Variants in MEGF6 observed in about 807,000 individuals in gnomAD.
MEGF6 encodes the protein multiple EGF like domains 6.
In MEGF6, 184 loss-of-function variants were observed where a neutral mutation model predicts 207.1. That is an observed-to-expected ratio of 0.89 (90% confidence interval 0.79 to 1.00). MEGF6 has a LOEUF of 1.00. Ranked by LOEUF, MEGF6 falls within the 50% of genes least tolerant of loss-of-function variation. The probability of loss-of-function intolerance (pLI) is 0.00; values close to 1 mark genes in which losing one functional copy is unlikely to be tolerated. For missense variants in MEGF6, 2,282 were observed against 2,202.9 expected (o/e 1.04, Z -0.72); for synonymous variants, 1,038 against 910.0 (o/e 1.14, Z -2.53).
At chr1:3,579,999 G>A (rs1370595336) in intron 3 of MEGF6, 70 bp from the exon 4 acceptor site, 2 of 1,166,462 alleles carry the variant, frequency 1.7e-6, no homozygotes, top group Non-Finnish European at 2.4e-6. Context: ...GAGGCCTGAG[G>A]GTCTCTCGGG....
In MEGF6 at chr1:3,492,655, C is replaced by A; in HGVS notation, c.4500G>T (p.Gly1500=). Residue 1500 remains glycine, a synonymous_variant, in exon 35 of 37, where the codon GGG becomes GGT. Coordinates refer to ENST00000356575, the MANE Select transcript of MEGF6 (RefSeq NM_001409.4). The part of the protein sequence containing the change: ...GQCHCVDGYM[G]PTCREGGPLR... Reference sequence around the variant, plus strand: ...CCAGCTCACCTTCCCGGCACGTGGGCCCCATGTAGCCATCCACACAGTGAC... The same window carrying A: ...CCAGCTCACCTTCCCGGCACGTGGGACCCATGTAGCCATCCACACAGTGAC... 2 of 1,611,328 alleles carry A rather than the reference C, an allele frequency of 1.2e-6. No homozygotes were observed. The highest frequency in any genetic ancestry group is 1.7e-6 in the Non-Finnish European group (2 of 1,178,788).
At chr1:3,579,731 C>T (rs1570180951) in intron 4 of MEGF6, 94 bp downstream of exon 4, 1 of 844,040 alleles carries the variant, frequency 1.2e-6, no homozygotes, top group South Asian at 2.3e-5. Flanking sequence ...CCCTACACAG[C>T]TGTGCTGGGG....
Position 3,495,917 on chromosome 1 carries a change from C to T in MEGF6, c.3844G>A (p.Gly1282Arg). The change falls in exon 30 of 37, where the codon GGG becomes AGG. Residue 1282 changes from glycine (G) to arginine (R), a missense_variant. Physicochemically the swap from Gly to Arg is moderately radical, Grantham distance 125. Transcript: ENST00000356575. ...CGCTCACAGCGGACGCCGGCTCTCC[C>T]CGGGGGGCAGAGGCAGGTGCCGGTC... ...PVTGTCLCPP[G>R]RAGVRCERGC... 6.3e-7 allele frequency: 1 copy of T among 1,597,792 alleles called. No individual in the cohort carries two copies. The highest frequency in any genetic ancestry group is 2.2e-5 in the East Asian group (1 of 44,796).
intron 30 of MEGF6, 107 bp downstream of exon 30, chr1:3,495,783 G>T: frequency 7.2e-7 from 1 of 1,386,066 alleles, no homozygotes; most frequent in Non-Finnish European, 9.7e-7. Context: ...TGGCAGCCAG[G>T]ATGTGCGGGT....
chr1:3,517,355 G>A (rs547960243), intron 5 of MEGF6, among the ~76,000 whole-genome samples: 155 of 152,286 alleles, frequency 1.0e-3, no homozygotes, highest in African/African-American at 3.5e-3. Flanking sequence ...GGCATGGCGC[G>A]CACTGGAGCC....
chr1:3,568,557 C>T (rs1643414052), intron 4 of MEGF6, among the ~76,000 whole-genome samples: 1 of 152,176 alleles, frequency 6.6e-6, no homozygotes, highest in East Asian at 1.9e-4. Context: ...AGCAGCTCTC[C>T]CCAGCACTCA....
At chr1:3,508,392 T>G (rs1226368823) in intron 13 of MEGF6, among the ~76,000 whole-genome samples, 166 bp downstream of exon 13, 1 of 152,204 alleles carries the variant, frequency 6.6e-6, no homozygotes, top group East Asian at 1.9e-4. Context: ...AGTCAGGGGA[T>G]GTTTATCAAA....
intron 4 of MEGF6, among the ~76,000 whole-genome samples, chr1:3,549,222 C>G (rs1238591767): frequency 1.3e-5 from 2 of 152,174 alleles, no homozygotes; most frequent in African/African-American, 4.8e-5. Flanking sequence ...CGCAGGAGAC[C>G]CTTGGTGAAT....
chr1:3,542,264 CCTT>C (rs1264573865), intron 4 of MEGF6, among the ~76,000 whole-genome samples: 5 of 152,272 alleles, frequency 3.3e-5, no homozygotes, highest in African/African-American at 9.6e-5. Flanking sequence ...ACTGCTTCCT[CCTT>C]CTGAACAGCA....
intron 2 of MEGF6, among the ~76,000 whole-genome samples, chr1:3,599,154 G>T (rs960631118): frequency 2.0e-5 from 3 of 152,208 alleles, no homozygotes; most frequent in Admixed American, 6.5e-5. Context: ...CACAGCCACT[G>T]CGGGGCCAGC....
At chr1:3,520,855 C>T (rs367709359) in intron 5 of MEGF6, among the ~76,000 whole-genome samples, 8 of 152,320 alleles carry the variant, frequency 5.3e-5, no homozygotes, top group Admixed American at 3.3e-4. Context: ...TTCAAGGCCC[C>T]TCTGGAGTGT....
At chr1:3,559,522 TA>T (rs59799522) in intron 4 of MEGF6, among the ~76,000 whole-genome samples, 1,639 of 105,472 alleles carry the variant, frequency 0.016, 24 homozygotes, top group African/African-American at 0.043. Flanking sequence ...CCTTGTCTCT[TA>T]AAAAAAAAAA....
At chr1:3,492,867 A>G (rs1246000917) in intron 34 of MEGF6, 100 bp from the exon 35 acceptor site, 2 of 1,494,058 alleles carry the variant, frequency 1.3e-6, no homozygotes, top group Non-Finnish European at 1.8e-6. Context: ...GCCCAGGTGG[A>G]GTGAAGCCTT....
Position 3,565,905 on chromosome 1 carries a change from G to A in MEGF6, c.481+13920C>T, listed in dbSNP as rs1643330644. On this transcript the variant is annotated intron_variant, in intron 4 of 36. Coordinates refer to ENST00000356575, the MANE Select transcript of MEGF6 (RefSeq NM_001409.4). This position sits in a 1 kb window ranked among gnomAD's most constrained non-coding sequence, Gnocchi z 4.8. ...CACAGGGACTCTCATGGGGTGCAGT[G>A]GGGATCCAGCTTCCTCCTCCCTGAG... Among the ~76,000 whole-genome samples the A allele has an allele frequency of 6.6e-6, 1 of 152,176 alleles. No individual in the cohort carries two copies. Among genetic ancestry groups the A allele is most frequent in the South Asian group, 2.1e-4 (1 of 4,832 alleles).
chr1:3,492,840 T>C (rs955176147), intron 34 of MEGF6, 73 bp from the exon 35 acceptor site: 22 of 1,557,408 alleles, frequency 1.4e-5, no homozygotes, highest in South Asian at 2.3e-5. Context: ...AGCCTGGGCC[T>C]AGGGGCCCGC....
intron 4 of MEGF6, among the ~76,000 whole-genome samples, chr1:3,547,692 C>T (rs542707985): frequency 6.6e-6 from 1 of 152,186 alleles, no homozygotes; most frequent in Non-Finnish European, 1.5e-5. Context: ...GAGCCCTGAA[C>T]ACCACATCAA....
chr1:3,578,803 G>GGA (rs1643715326), intron 4 of MEGF6, among the ~76,000 whole-genome samples: 1 of 151,694 alleles, frequency 6.6e-6, no homozygotes, highest in African/African-American at 2.4e-5. Flanking sequence ...TCCTCAGCCT[G>GGA]GTCCCCAGCG....
chr1:3,566,855 G>A (rs1475445051), intron 4 of MEGF6, among the ~76,000 whole-genome samples: 1 of 152,204 alleles, frequency 6.6e-6, no homozygotes, highest in Admixed American at 6.5e-5. Context: ...GGAGGCAGCA[G>A]TGCCTCTCTC....
At chr1:3,549,388 G>A (rs924426889) in intron 4 of MEGF6, among the ~76,000 whole-genome samples, 5 of 152,210 alleles carry the variant, frequency 3.3e-5, no homozygotes, top group Admixed American at 1.3e-4. Context: ...CCAGGACGGA[G>A]AAGTTCAGCT....
Sources: gnomAD v4.1 joint callset for allele counts (sites outside exome capture counted in the v4.1 genomes callset) on GRCh38, gnomAD v4.1.1 for gene constraint, Gnocchi (gnomAD v3.1) non-coding constraint, MANE v1.5 for transcripts, NCBI Gene and HGNC (gene_info 2026-07-23, HGNC 2026-07-21) for gene names.